The following UBE3D variants were observed in gnomAD, a reference collection of about 807,000 sequenced individuals.
UBE3D encodes E3 ubiquitin-protein ligase E3D.
A neutral mutation model predicts 49.6 loss-of-function variants in UBE3D; 48 were observed. That is an observed-to-expected ratio of 0.97 (90% CI 0.77 to 1.23). The LOEUF (loss-of-function observed/expected upper bound fraction) is 1.23, where lower values mean the gene tolerates loss of function less well. Among genes scored for constraint, UBE3D ranks in the 50% most tolerant of loss-of-function variants. UBE3D has a pLI of 0.00. For missense variants in UBE3D, 452 were observed against 468.4 expected (o/e 0.96, Z 0.32); for synonymous variants, 189 against 174.2 (o/e 1.08, Z -0.67).
At chr6:83,011,724 G>A (rs1780347276) in intron 8 of UBE3D, among the ~76,000 whole-genome samples, 1 of 152,186 alleles carries the variant, frequency 6.6e-6, no homozygotes, top group Admixed American at 6.5e-5. Flanking sequence ...TGGAATCGTT[G>A]TTTTGTCTCC....
At chr6:82,981,961 T>C (rs1778146839) in intron 8 of UBE3D, among the ~76,000 whole-genome samples, 1 of 152,190 alleles carries the variant, frequency 6.6e-6, no homozygotes, top group Non-Finnish European at 1.5e-5. Context: ...GTTTCATTGG[T>C]GATTGTTTTC....
At chr6:83,058,498 GT>G (rs1783960502) in intron 1 of UBE3D, among the ~76,000 whole-genome samples, 1 of 152,340 alleles carries the variant, frequency 6.6e-6, no homozygotes, top group African/African-American at 2.4e-5. Context: ...AAATTACTCA[GT>G]ATAGGCAATA....
chr6:82,907,790 G>A (rs1444614158), intron 9 of UBE3D, among the ~76,000 whole-genome samples: 1 of 152,174 alleles, frequency 6.6e-6, no homozygotes, highest in African/African-American at 2.4e-5. Flanking sequence ...CAGTTTATTA[G>A]AAGTTAAATA....
intron 8 of UBE3D, among the ~76,000 whole-genome samples, chr6:82,981,868 G>A (rs1778141576): frequency 6.6e-6 from 1 of 152,040 alleles, no homozygotes; most frequent in African/African-American, 2.4e-5. Context: ...TATACATCTA[G>A]TTGAAGAATG....
chr6:83,058,540 C>T (rs552784346), intron 1 of UBE3D, among the ~76,000 whole-genome samples: 3 of 152,272 alleles, frequency 2.0e-5, no homozygotes, highest in Non-Finnish European at 4.4e-5. Context: ...GTCAAAAGCC[C>T]CCAGGCATCA....
At chr6:83,045,886 T>C (rs1250135421) in intron 3 of UBE3D, among the ~76,000 whole-genome samples, 1 of 152,166 alleles carries the variant, frequency 6.6e-6, no homozygotes, top group Non-Finnish European at 1.5e-5. Context: ...CCTAGTCTCG[T>C]CTGGTCTATA....
At chr6:82,891,259 G>A (rs1770973355), downstream of UBE3D, among the ~76,000 whole-genome samples, 1 of 152,168 alleles carries the variant, frequency 6.6e-6, no homozygotes, top group Non-Finnish European at 1.5e-5. Flanking sequence ...CAACACAACT[G>A]GAGTGGAGGA....
At chr6:82,953,824 G>A (rs1489218500) in intron 9 of UBE3D, among the ~76,000 whole-genome samples, 1 of 152,210 alleles carries the variant, frequency 6.6e-6, no homozygotes, top group Non-Finnish European at 1.5e-5. Context: ...AATTAAACAA[G>A]GTAAGATTAC....
chr6:82,905,867 T>C (rs1446102441), intron 9 of UBE3D, among the ~76,000 whole-genome samples: 2 of 152,172 alleles, frequency 1.3e-5, no homozygotes, highest in Admixed American at 1.3e-4. Flanking sequence ...TATTCTCTAG[T>C]AAAGATACAA....
intron 8 of UBE3D, among the ~76,000 whole-genome samples, chr6:82,981,984 G>A (rs1046064506): frequency 1.3e-5 from 2 of 152,070 alleles, no homozygotes; most frequent in African/African-American, 4.8e-5. Flanking sequence ...GAAAGATGAG[G>A]TAATAAGCAA....
chr6:82,906,845 G>A (rs1159770247), intron 9 of UBE3D, among the ~76,000 whole-genome samples: 1 of 152,196 alleles, frequency 6.6e-6, no homozygotes, highest in Non-Finnish European at 1.5e-5. Context: ...GGTTAGCTAA[G>A]TAGGACAGGC....
intron 8 of UBE3D, among the ~76,000 whole-genome samples, chr6:83,004,937 C>A (rs1284289893): frequency 1.3e-5 from 2 of 152,108 alleles, no homozygotes; most frequent in Admixed American, 1.3e-4. Flanking sequence ...GCAATGATAT[C>A]TTGGAAATGA....
intron 3 of UBE3D, among the ~76,000 whole-genome samples, chr6:83,046,320 C>T (rs1783028152): frequency 6.6e-6 from 1 of 151,828 alleles, no homozygotes; most frequent in African/African-American, 2.4e-5. Flanking sequence ...AATTACAGTT[C>T]AGAAGAGGGT....
intron 8 of UBE3D, among the ~76,000 whole-genome samples, chr6:82,995,314 G>A (rs1241736461): frequency 2.0e-5 from 3 of 152,110 alleles, no homozygotes; most frequent in Admixed American, 2.0e-4. Flanking sequence ...AGCATATGTG[G>A]ACATGCTAGA....
chr6:82,922,907 C>A (rs960744377), intron 9 of UBE3D, among the ~76,000 whole-genome samples: 1 of 152,146 alleles, frequency 6.6e-6, no homozygotes, highest in Non-Finnish European at 1.5e-5. Flanking sequence ...AGGATATGAA[C>A]AGACACTTCT....
At chr6:83,046,673 G>GGAGGGGGGGT (rs1281511342) in intron 3 of UBE3D, among the ~76,000 whole-genome samples, 1 of 12,510 alleles carries the variant, frequency 8.0e-5, no homozygotes, top group East Asian at 6.3e-3. Context: ...TGCAGTTGGC[G>GGAGGGGGGGT]GGGGGGGTGG....
intron 9 of UBE3D, among the ~76,000 whole-genome samples, chr6:82,950,262 G>T (rs1212683009): frequency 6.6e-6 from 1 of 152,080 alleles, no homozygotes; most frequent in Non-Finnish European, 1.5e-5. Context: ...TATATGAAAA[G>T]GTGCTTAAAA....
intron 7 of UBE3D, among the ~76,000 whole-genome samples, chr6:83,019,509 A>G (rs1419390017): frequency 2.0e-5 from 3 of 152,232 alleles, no homozygotes; most frequent in Non-Finnish European, 4.4e-5. Context: ...AATGTAACTA[A>G]TAAATGTAAA....
At chr6:82,924,102 T>G (rs1365211424) in intron 9 of UBE3D, among the ~76,000 whole-genome samples, 1 of 150,310 alleles carries the variant, frequency 6.7e-6, no homozygotes, top group Non-Finnish European at 1.5e-5. Context: ...TAAAAAAAGG[T>G]AGGAGAAAAA....
Sources: allele counts gnomAD v4.1 joint callset (sites outside exome capture counted in the v4.1 genomes callset), GRCh38; gene constraint gnomAD v4.1.1; transcripts MANE v1.5; gene names NCBI Gene and HGNC (gene_info 2026-07-23, HGNC 2026-07-21).